The following DACH2 variants were observed in gnomAD, a reference collection of about 807,000 sequenced individuals.
DACH2 encodes the protein dachshund homolog 2.
In DACH2, 17 loss-of-function variants were observed where a neutral mutation model predicts 35.8. That is an observed-to-expected ratio of 0.48 (90% CI 0.33 to 0.71). DACH2 has a LOEUF of 0.71. DACH2 is among the 30% of genes least tolerant of loss of function. DACH2 has a pLI of 0.02. For synonymous variants in DACH2, 195 were observed against 177.3 expected (o/e 1.10, Z -0.79); for missense variants, 469 against 472.7 (o/e 0.99, Z 0.07).
Position 86,328,779 on chromosome X carries a change from T to C in DACH2, c.489-48045T>C, listed in dbSNP as rs191705048. Among the ~76,000 whole-genome samples the C allele has an allele frequency of 1.4e-4, 16 of 111,626 alleles. No homozygotes were observed. In the East Asian group the frequency reaches 4.5e-3, roughly 32 times the overall value. ...AATTAGATAGAGTATAAGCCTTTTTTCTTGCCCCCACTTTCCCTTCTTGCT... is the reference window on the plus strand; with the variant it reads ...AATTAGATAGAGTATAAGCCTTTTTCCTTGCCCCCACTTTCCCTTCTTGCT... On this transcript the variant is annotated intron_variant, in intron 1 of 11. Transcript: ENST00000373125.
chrX:86,725,916 A>G (rs1282357092), intron 6 of DACH2, among the ~76,000 whole-genome samples: 1 of 111,447 alleles, frequency 9.0e-6, no homozygotes, highest in Non-Finnish European at 1.9e-5. Context: ...CACCAATCAA[A>G]TGCCAGCAAT....
intron 3 of DACH2, among the ~76,000 whole-genome samples, chrX:86,589,122 A>G (rs2039611652): frequency 9.0e-6 from 1 of 111,506 alleles, no homozygotes; most frequent in Non-Finnish European, 1.9e-5. Flanking sequence ...AAGTGATCGT[A>G]TGGTTTTTGT....
chrX:86,318,501 A>G (rs1411202747), intron 1 of DACH2, among the ~76,000 whole-genome samples: 1 of 111,909 alleles, frequency 8.9e-6, no homozygotes, highest in Non-Finnish European at 1.9e-5. Flanking sequence ...AGCATGATTG[A>G]CAAATTTGAT....
chrX:86,216,054 C>T (rs963571816), intron 1 of DACH2, among the ~76,000 whole-genome samples: 1 of 111,407 alleles, frequency 9.0e-6, no homozygotes, highest in African/African-American at 3.3e-5. Flanking sequence ...AATAACTAGT[C>T]CAGCAATAAG....
chrX:86,659,019 T>C (rs2040575294), intron 4 of DACH2, among the ~76,000 whole-genome samples: 1 of 111,235 alleles, frequency 9.0e-6, no homozygotes, highest in Non-Finnish European at 1.9e-5. Flanking sequence ...AATCAAAGTG[T>C]ATATGGTTGA....
Position 86,586,182 on chromosome X carries a change from C to A in DACH2, c.641-64854C>A, listed in dbSNP as rs182416094. 1.3e-3 allele frequency among the ~76,000 whole-genome samples: 150 copies of A among 111,397 alleles called. 1 individual carries two copies. The highest frequency in any genetic ancestry group is 3.4e-4 in the Non-Finnish European group (18 of 52,944). Reference sequence around the variant, plus strand: ...TGATTAGTGATGCTGAGTATTTTTTCATATGCTTGTTGGCCACACCTATGT... The same window carrying A: ...TGATTAGTGATGCTGAGTATTTTTTAATATGCTTGTTGGCCACACCTATGT... On this transcript the variant is annotated intron_variant, in intron 3 of 11. Transcript: ENST00000373125.
At chrX:86,320,904 G>A (rs990852318) in intron 1 of DACH2, among the ~76,000 whole-genome samples, 1 of 111,788 alleles carries the variant, frequency 8.9e-6, no homozygotes, top group Non-Finnish European at 1.9e-5. Context: ...GTGGGGGAGG[G>A]GGTGAGTTTT....
chrX:86,769,386 G>T (rs1040110655), intron 7 of DACH2, among the ~76,000 whole-genome samples: 1 of 112,154 alleles, frequency 8.9e-6, no homozygotes. Context: ...TACACATCCT[G>T]TGCAATCTCT....
At chrX:86,574,971 C>A (rs2039418433) in intron 3 of DACH2, among the ~76,000 whole-genome samples, 1 of 111,622 alleles carries the variant, frequency 9.0e-6, no homozygotes, top group Non-Finnish European at 1.9e-5. Context: ...AAATAGCTTA[C>A]AAATATTTCT....
At chrX:86,635,514 T>C (rs1377123025) in intron 3 of DACH2, among the ~76,000 whole-genome samples, 1 of 110,464 alleles carries the variant, frequency 9.1e-6, no homozygotes, top group Non-Finnish European at 1.9e-5. Context: ...AGCATAATAT[T>C]GGAAGTGCTG....
At chrX:86,347,058 G>T (rs1255982573) in intron 1 of DACH2, among the ~76,000 whole-genome samples, 1 of 111,693 alleles carries the variant, frequency 9.0e-6, no homozygotes, top group African/African-American at 3.3e-5. Context: ...AAAATTAATA[G>T]AAAATTTTGG....
At chrX:86,370,858 A>G (rs1349845530) in intron 1 of DACH2, among the ~76,000 whole-genome samples, 1 of 111,609 alleles carries the variant, frequency 9.0e-6, no homozygotes, top group African/African-American at 3.2e-5. Flanking sequence ...ACCACTAAAG[A>G]TATTTAATGG....
chrX:86,807,674 T>C (rs1490908343), intron 7 of DACH2, among the ~76,000 whole-genome samples: 1 of 112,249 alleles, frequency 8.9e-6, no homozygotes, highest in Admixed American at 9.5e-5. Flanking sequence ...GTCTGAGATG[T>C]TCTGCTCTAA....
intron 3 of DACH2, among the ~76,000 whole-genome samples, chrX:86,610,983 A>G (rs773311461): frequency 1.8e-5 from 2 of 110,472 alleles, no homozygotes; most frequent in Non-Finnish European, 3.8e-5. Flanking sequence ...AATCTGAAGG[A>G]GTCTCTCAGT....
chrX:86,761,413 A>G (rs1163928189), intron 7 of DACH2, among the ~76,000 whole-genome samples: 1 of 111,971 alleles, frequency 8.9e-6, no homozygotes. Context: ...GCTGGCAAGG[A>G]TTCAGAGAAA....
intron 2 of DACH2, among the ~76,000 whole-genome samples, chrX:86,456,236 T>C (rs998141378): frequency 2.7e-5 from 3 of 112,579 alleles, no homozygotes; most frequent in East Asian, 2.8e-4. Context: ...CTTTCATTTT[T>C]CTCTGAGTGC....
intron 7 of DACH2, among the ~76,000 whole-genome samples, chrX:86,801,654 G>A (rs1369805439): frequency 8.9e-6 from 1 of 112,067 alleles, no homozygotes; most frequent in African/African-American, 3.2e-5. Context: ...TCATGAAAGA[G>A]TTTATAGGAG....
intron 7 of DACH2, among the ~76,000 whole-genome samples, chrX:86,741,112 C>T (rs1336169533): frequency 9.0e-6 from 1 of 111,505 alleles, no homozygotes; most frequent in Non-Finnish European, 1.9e-5. Context: ...TTTAAGTGAA[C>T]TCTGAATGTT....
intron 1 of DACH2, among the ~76,000 whole-genome samples, chrX:86,166,865 C>A (rs767360118): frequency 1.8e-5 from 2 of 111,439 alleles, no homozygotes; most frequent in African/African-American, 6.5e-5. Context: ...TGTGTCAAAA[C>A]GATTGATTTG....
Sources: gnomAD v4.1 joint callset for allele counts (sites outside exome capture counted in the v4.1 genomes callset) on GRCh38, gnomAD v4.1.1 for gene constraint, MANE v1.5 for transcripts, NCBI Gene and HGNC (gene_info 2026-07-23, HGNC 2026-07-21) for gene names.